KLHL29: variants seen among roughly 807,000 people sequenced by gnomAD.
The protein encoded by KLHL29 is kelch like family member 29.
Under a neutral mutation model 80.4 loss-of-function variants are expected in KLHL29, and 21 were observed. The observed-to-expected ratio is 0.26, with a 90% CI of 0.19 to 0.38. The LOEUF (loss-of-function observed/expected upper bound fraction) is 0.38, where lower values mean the gene tolerates loss of function less well. KLHL29 is among the 10% of genes least tolerant of loss of function. The pLI is 1.00. For missense variants in KLHL29, 867 were observed against 1,223.9 expected (o/e 0.71, Z 4.35); for synonymous variants, 511 against 526.8 (o/e 0.97, Z 0.41).
chr2:23,614,308 T>A lies in KLHL29; in HGVS notation c.286-24831T>A, dbSNP rs116619791. On this transcript the variant is annotated intron_variant, in intron 3 of 13. Coordinates refer to ENST00000486442, the MANE Select transcript of KLHL29 (RefSeq NM_052920.2). ...GTCATCAGGACCTCCTGAGGCCGTG[T>A]CACTGGCATGCGTCCTTAACTTTGG... Among the ~76,000 whole-genome samples the A allele has an allele frequency of 4.3e-3, 659 of 152,340 alleles. 4 individuals are homozygous for A. The highest frequency in any genetic ancestry group is 0.015 in the African/African-American group (625 of 41,574).
intron 1 of KLHL29, among the ~76,000 whole-genome samples, chr2:23,459,450 A>G (rs1048973452): frequency 2.6e-5 from 4 of 152,064 alleles, no homozygotes; most frequent in African/African-American, 9.7e-5. Flanking sequence ...GTAAAAAAAG[A>G]GAAGAGGGCC....
At chr2:23,574,582 GT>G (rs1667797607) in intron 3 of KLHL29, among the ~76,000 whole-genome samples, 1 of 152,134 alleles carries the variant, frequency 6.6e-6, no homozygotes, top group Non-Finnish European at 1.5e-5. Context: ...AATGGGTAGA[GT>G]TTCTGTTTGG....
intron 3 of KLHL29, among the ~76,000 whole-genome samples, chr2:23,598,749 G>C (rs1198840092): frequency 6.6e-6 from 1 of 152,246 alleles, no homozygotes; most frequent in East Asian, 1.9e-4. Context: ...GACTGGGAGT[G>C]TTCATCATGC....
rs573898060 is a variant in KLHL29 at position 23,645,400 on chromosome 2, C to T, written c.940+2550C>T. On this transcript the variant is annotated intron_variant, in intron 5 of 13. Transcript: ENST00000486442. ...ACTCCTAAATGACAGACAGCTGGCT[C>T]CAGGCAGGAACAGGAGGCTCTGCGT... Among the ~76,000 whole-genome samples the T allele has an allele frequency of 2.0e-5, 3 of 152,236 alleles. No individual in the cohort carries two copies. The East Asian group carries it at 5.8e-4, about 29-fold the overall frequency.
chr2:23,528,273 T>C (rs1666386386), intron 2 of KLHL29, among the ~76,000 whole-genome samples: 1 of 152,198 alleles, frequency 6.6e-6, no homozygotes, highest in Non-Finnish European at 1.5e-5. Context: ...GGGGCTCTGC[T>C]GACGGAGGGT....
intron 2 of KLHL29, among the ~76,000 whole-genome samples, chr2:23,546,145 A>G (rs1666973572): frequency 6.6e-6 from 1 of 152,140 alleles, no homozygotes; most frequent in African/African-American, 2.4e-5. Flanking sequence ...CATTGTCCTT[A>G]GGGTGCCCAC....
At chr2:23,632,441 C>T (rs2149150683) in intron 3 of KLHL29, among the ~76,000 whole-genome samples, 1 of 152,388 alleles carries the variant, frequency 6.6e-6, no homozygotes, top group Non-Finnish European at 1.5e-5. Flanking sequence ...TGCCATCATT[C>T]CCCACAGGTG....
intron 1 of KLHL29, among the ~76,000 whole-genome samples, chr2:23,464,184 G>T (rs912682594): frequency 6.6e-6 from 1 of 152,166 alleles, no homozygotes; most frequent in Non-Finnish European, 1.5e-5. Flanking sequence ...TTTGAAAGTG[G>T]CAAATTGAAT....
intron 1 of KLHL29, among the ~76,000 whole-genome samples, chr2:23,439,568 A>G (rs1663450242): frequency 6.6e-6 from 1 of 151,542 alleles, no homozygotes; most frequent in South Asian, 2.1e-4. Context: ...TTCGTTATGT[A>G]CCCAGTAGTC....
intron 2 of KLHL29, among the ~76,000 whole-genome samples, chr2:23,543,687 G>C (rs1029154595): frequency 6.6e-6 from 1 of 152,230 alleles, no homozygotes; most frequent in African/African-American, 2.4e-5. Flanking sequence ...GACGGCTGGA[G>C]CTTCAAAGCT....
chr2:23,506,536 C>G (rs1665603696), intron 2 of KLHL29, among the ~76,000 whole-genome samples: 1 of 152,170 alleles, frequency 6.6e-6, no homozygotes, highest in Non-Finnish European at 1.5e-5. Context: ...GGACAAGGAC[C>G]CTAGCTCCTC....
chr2:23,406,553 C>T (rs550780485), intron 1 of KLHL29, among the ~76,000 whole-genome samples: 3 of 152,238 alleles, frequency 2.0e-5, no homozygotes, highest in Non-Finnish European at 2.9e-5. Flanking sequence ...TCATTTATCC[C>T]ATCCTGCCTG....
At chr2:23,396,618 A>C (rs1666458344) in intron 1 of KLHL29, among the ~76,000 whole-genome samples, 2 of 152,198 alleles carry the variant, frequency 1.3e-5, no homozygotes, top group Non-Finnish European at 2.9e-5. Flanking sequence ...CTTCTAGAGG[A>C]GAGCCTGCTG....
At chr2:23,388,434 A>G (rs1411548827) in intron 1 of KLHL29, among the ~76,000 whole-genome samples, 1 of 152,248 alleles carries the variant, frequency 6.6e-6, no homozygotes, top group African/African-American at 2.4e-5. Context: ...CCTGTTTTCT[A>G]GGAATAAACA....
At chr2:23,523,900 T>C in intron 2 of KLHL29, 1 of 449,988 alleles carries the variant, frequency 2.2e-6, no homozygotes, top group Admixed American at 2.4e-5. Context: ...GGCACGCTTC[T>C]ACAATTCCTT....
At chr2:23,665,502 A>G (rs1442105066) in intron 5 of KLHL29, among the ~76,000 whole-genome samples, 1 of 152,186 alleles carries the variant, frequency 6.6e-6, no homozygotes, top group Non-Finnish European at 1.5e-5. Flanking sequence ...AAATGAGCTT[A>G]CCTTTTCAAC....
chr2:23,547,067 G>A (rs146729577), intron 2 of KLHL29, among the ~76,000 whole-genome samples: 14 of 152,254 alleles, frequency 9.2e-5, no homozygotes, highest in Admixed American at 2.6e-4. Flanking sequence ...TGGAGCTCCC[G>A]CAGAGAACCC....
intron 1 of KLHL29, among the ~76,000 whole-genome samples, chr2:23,439,368 G>T (rs1204563015): frequency 6.6e-6 from 1 of 151,886 alleles, no homozygotes; most frequent in Non-Finnish European, 1.5e-5. Flanking sequence ...GAATGCGTTT[G>T]CTCTTGCTTT....
intron 5 of KLHL29, among the ~76,000 whole-genome samples, chr2:23,652,631 G>T (rs1223274152): frequency 3.3e-5 from 5 of 152,224 alleles, no homozygotes; most frequent in Admixed American, 3.3e-4. Context: ...AGGCAAGGTG[G>T]CCCAGGGAGA....
Sources: gnomAD v4.1 joint callset for allele counts (sites outside exome capture counted in the v4.1 genomes callset) on GRCh38, gnomAD v4.1.1 for gene constraint, MANE v1.5 for transcripts, NCBI Gene and HGNC (gene_info 2026-07-23, HGNC 2026-07-21) for gene names.